PDE1A: variants seen among roughly 807,000 people sequenced by gnomAD.
The protein encoded by PDE1A is dual specificity calcium/calmodulin-dependent 3',5'-cyclic nucleotide phosphodiesterase 1A.
In PDE1A, 35 loss-of-function variants were observed where a neutral mutation model predicts 61.7. The ratio of observed to expected loss-of-function variants is 0.57; its 90% CI spans 0.43 to 0.75. PDE1A has a LOEUF of 0.75. Ranked by LOEUF, PDE1A falls within the 30% of genes least tolerant of loss-of-function variation. The pLI, the probability that PDE1A is intolerant of heterozygous loss-of-function variation, is 0.00. For missense variants in PDE1A, 597 were observed against 630.6 expected (o/e 0.95, Z 0.57); for synonymous variants, 232 against 213.2 (o/e 1.09, Z -0.77).
intron 2 of PDE1A, among the ~76,000 whole-genome samples, chr2:182,440,377 T>A (rs940565087): frequency 1.2e-4 from 18 of 152,018 alleles, no homozygotes; most frequent in Admixed American, 1.2e-3. Context: ...TGGGACGCAA[T>A]TATCAAAAAC....
intron 2 of PDE1A, among the ~76,000 whole-genome samples, chr2:182,509,315 G>C (rs1187479066): frequency 6.6e-6 from 1 of 152,156 alleles, no homozygotes; most frequent in Non-Finnish European, 1.5e-5. Flanking sequence ...CTAGAGAAGA[G>C]AAACAAAATT....
At chr2:182,349,260 T>C (rs2623431) in intron 1 of PDE1A, among the ~76,000 whole-genome samples, 49,818 of 152,034 alleles carry the variant, frequency 0.33, 8,254 homozygotes, top group East Asian at 0.5. Flanking sequence ...CTACCATAAA[T>C]AAACAGGATA....
At chr2:182,178,262 AC>A (rs1684447541) in intron 13 of PDE1A, among the ~76,000 whole-genome samples, 1 of 152,080 alleles carries the variant, frequency 6.6e-6, no homozygotes, top group South Asian at 2.1e-4. Flanking sequence ...CTACCTTCCC[AC>A]CCATACTTCC....
the PDE1A span, among the ~76,000 whole-genome samples, chr2:182,544,691 T>C: frequency 6.6e-6 from 1 of 152,210 alleles, no homozygotes; most frequent in African/African-American, 2.4e-5. Flanking sequence ...GTAGTATGCA[T>C]AGCATCATTT....
chr2:182,641,603 T>G, the PDE1A span, among the ~76,000 whole-genome samples: 1 of 152,368 alleles, frequency 6.6e-6, no homozygotes, highest in African/African-American at 2.4e-5. Flanking sequence ...ACAATGAATT[T>G]ATAATTAACA....
chr2:182,659,796 G>GT, the PDE1A span, among the ~76,000 whole-genome samples: 98 of 152,228 alleles, frequency 6.4e-4, no homozygotes, highest in Non-Finnish European at 1.2e-3. Flanking sequence ...ATAAATGTAG[G>GT]TATTACTAAT....
At chr2:182,322,028 A>G (rs779688359) in intron 1 of PDE1A, among the ~76,000 whole-genome samples, 1 of 152,188 alleles carries the variant, frequency 6.6e-6, no homozygotes, top group Non-Finnish European at 1.5e-5. Flanking sequence ...TTCTGTCCCT[A>G]ATCGTTGGAA....
intron 13 of PDE1A, among the ~76,000 whole-genome samples, chr2:182,181,834 T>C (rs890965327): frequency 3.3e-5 from 5 of 152,082 alleles, no homozygotes; most frequent in African/African-American, 1.2e-4. Context: ...GTGGTGAATT[T>C]TGCTTAGTCC....
the PDE1A span, among the ~76,000 whole-genome samples, chr2:182,702,488 A>T: frequency 1.3e-5 from 2 of 152,044 alleles, no homozygotes; most frequent in Admixed American, 6.6e-5. Context: ...TAGATTCTCT[A>T]CCCTTAGGAG....
At chr2:182,679,666 GAAA>G in the PDE1A span, among the ~76,000 whole-genome samples, 7 of 151,946 alleles carry the variant, frequency 4.6e-5, no homozygotes, top group Non-Finnish European at 7.4e-5. Context: ...AAACCCTTCT[GAAA>G]AAAACACAAA....
At chr2:182,431,163 C>G (rs1402116754), upstream of PDE1A, among the ~76,000 whole-genome samples, 4 of 146,244 alleles carry the variant, frequency 2.7e-5, no homozygotes, top group African/African-American at 7.5e-5. Flanking sequence ...TTCTTTTACT[C>G]TTCCTTCTCT....
intron 1 of PDE1A, among the ~76,000 whole-genome samples, chr2:182,315,068 T>C (rs1487763176): frequency 2.0e-5 from 3 of 152,176 alleles, no homozygotes; most frequent in Non-Finnish European, 2.9e-5. Context: ...AAAATCATCA[T>C]AGAATGGCTT....
Position 182,410,234 on chromosome 2 carries a change from G to A in PDE1A, c.53+16344C>T, listed in dbSNP as rs1355883891. 2.6e-5 allele frequency among the ~76,000 whole-genome samples: 4 copies of A among 151,994 alleles called. No individual in the cohort carries two copies. The South Asian group carries it at 8.3e-4, about 32-fold the overall frequency. On this transcript the variant is annotated intron_variant, in intron 1 of 13. Coordinates refer to ENST00000351439, the Ensembl canonical transcript of PDE1A. ...TTTTTTTAATTAGCTAGGCATGGTG[G>A]TGCACACCTGCAGTCCCAGCTACTT...
chr2:182,665,727 A>G, the PDE1A span, among the ~76,000 whole-genome samples: 1 of 152,208 alleles, frequency 6.6e-6, no homozygotes, highest in Non-Finnish European at 1.5e-5. Context: ...CATATATCCA[A>G]AGGAATATAA....
chr2:182,661,302 AT>A, the PDE1A span, among the ~76,000 whole-genome samples: 1 of 152,204 alleles, frequency 6.6e-6, no homozygotes, highest in Non-Finnish European at 1.5e-5. Context: ...ATTTTCTGAG[AT>A]TTTTATGCCT....
chr2:182,525,541 T>C (rs1385631993), upstream of PDE1A, among the ~76,000 whole-genome samples: 1 of 152,112 alleles, frequency 6.6e-6, no homozygotes, highest in Non-Finnish European at 1.5e-5. Context: ...GGGTGATTTC[T>C]AGTGGTTTAG....
At chr2:182,193,884 G>T (rs1361412349) in intron 10 of PDE1A, among the ~76,000 whole-genome samples, 1 of 151,964 alleles carries the variant, frequency 6.6e-6, no homozygotes, top group East Asian at 1.9e-4. Context: ...TGCAATTTTA[G>T]GGGTTATGTT....
intron 2 of PDE1A, among the ~76,000 whole-genome samples, chr2:182,253,056 C>T (rs969353775): frequency 6.6e-6 from 1 of 152,116 alleles, no homozygotes; most frequent in African/African-American, 2.4e-5. Context: ...TGAGGGTTAC[C>T]TTGGAAACTT....
At chr2:182,407,288 T>C (rs1054036990) in intron 1 of PDE1A, among the ~76,000 whole-genome samples, 5 of 152,264 alleles carry the variant, frequency 3.3e-5, no homozygotes, top group Non-Finnish European at 5.9e-5. Flanking sequence ...ATGTGTATTA[T>C]ACTTGGTAAA....
Sources: allele counts gnomAD v4.1 joint callset (sites outside exome capture counted in the v4.1 genomes callset), GRCh38; gene constraint gnomAD v4.1.1; transcripts MANE v1.5; gene names NCBI Gene and HGNC (gene_info 2026-07-23, HGNC 2026-07-21).